Variants in MYO9B observed in about 807,000 individuals in gnomAD.
MYO9B encodes myosin IXB.
A neutral mutation model predicts 229.5 loss-of-function variants in MYO9B; 71 were observed. That is an observed-to-expected ratio of 0.31 (90% CI 0.26 to 0.38). The LOEUF (loss-of-function observed/expected upper bound fraction) is 0.38, where lower values mean the gene tolerates loss of function less well. MYO9B is among the 10% of genes least tolerant of loss of function. The probability of loss-of-function intolerance (pLI) is 1.00; values close to 1 mark genes in which losing one functional copy is unlikely to be tolerated. For missense variants in MYO9B, 2,255 were observed against 2,920.5 expected, an observed-to-expected ratio of 0.77 and a Z score of 5.25; for synonymous variants, 1,185 against 1,235.8, an observed-to-expected ratio of 0.96 and a Z score of 0.86.
At chr19:17,111,375 A>C (rs1002270031) in intron 2 of MYO9B, among the ~76,000 whole-genome samples, 2 of 152,224 alleles carry the variant, frequency 1.3e-5, no homozygotes, top group African/African-American at 2.4e-5. Flanking sequence ...CTATTTACTT[A>C]TTTATAAATA....
intron 2 of MYO9B, among the ~76,000 whole-genome samples, chr19:17,128,646 C>T (rs2072155251): frequency 6.6e-6 from 1 of 152,264 alleles, no homozygotes; most frequent in Non-Finnish European, 1.5e-5. Flanking sequence ...CTCAGGGTCA[C>T]AGCTCTCGTC....
rs202112430 is a variant in MYO9B, at chr19:17,183,882, C to T, written c.2373+14C>T. On this transcript the variant is annotated intron_variant, in intron 16 of 39. Coordinates refer to ENST00000682292, the MANE Select transcript of MYO9B (RefSeq NM_004145.4). ...ATCATTCCAAAGGTAAAAAAAAAAA[C>T]ACACCCCGCGCGACACGTTCCAAGA... 5 of 1,540,734 alleles carry T rather than the reference C, an allele frequency of 3.2e-6. No individual in the cohort carries two copies. Among genetic ancestry groups the T allele is most frequent in the African/African-American group, 2.8e-5 (2 of 72,360 alleles).
chr19:17,163,423 T>TA (rs2072626673), intron 10 of MYO9B, among the ~76,000 whole-genome samples: 1 of 139,764 alleles, frequency 7.2e-6, no homozygotes, highest in South Asian at 2.3e-4. Context: ...GTCACCCAGC[T>TA]AGAGTGGTAT....
In MYO9B at chr19:17,102,100, A is replaced by G; in HGVS notation, c.383A>G (p.Gln128Arg). 1 of 1,613,190 alleles carries G rather than the reference A, an allele frequency of 6.2e-7. No homozygotes were observed. The highest frequency in any genetic ancestry group is 8.5e-7 in the Non-Finnish European group (1 of 1,179,888). ...TACGTGCATATGCAGCTGGTGGCGC[A>G]GGCCACAGCCACCCGGCGCCTAGTG... ...IKYVHMQLVA[Q>R]ATATRRLVER... Residue 128 changes from glutamine to arginine, a missense_variant, in exon 2 of 40, where the codon CAG (glutamine) becomes CGG (arginine). Gln to Arg is a conservative substitution (Grantham distance 43). This residue lies in a region of MYO9B where 386 missense variants were observed against 515.2 expected (regional missense o/e 0.75). Transcript: ENST00000682292.
intron 1 of MYO9B, among the ~76,000 whole-genome samples, chr19:17,084,725 GA>G (rs1481719736): frequency 1.4e-5 from 2 of 146,596 alleles, no homozygotes; most frequent in Non-Finnish European, 3.0e-5. Context: ...AAAAAAAAAA[GA>G]AAAAAAGAAA....
chr19:17,135,828 T>C (rs1164212760), intron 2 of MYO9B, among the ~76,000 whole-genome samples: 1 of 152,130 alleles, frequency 6.6e-6, no homozygotes, highest in African/African-American at 2.4e-5. Context: ...GGCTGTGATA[T>C]TAGAAGTCAC....
At chr19:17,158,128 C>G (rs2145295778) in intron 7 of MYO9B, among the ~76,000 whole-genome samples, 1 of 152,286 alleles carries the variant, frequency 6.6e-6, no homozygotes, top group Non-Finnish European at 1.5e-5. Flanking sequence ...ATTATCCAAC[C>G]CCAAGTGCAA....
intron 2 of MYO9B, among the ~76,000 whole-genome samples, chr19:17,139,898 G>A (rs1049270835): frequency 3.3e-5 from 5 of 152,046 alleles, no homozygotes; most frequent in East Asian, 3.9e-4. Flanking sequence ...AAAATTAGCC[G>A]GGTGTGGTGG....
At chr19:17,120,254 C>T (rs2057949435) in intron 2 of MYO9B, among the ~76,000 whole-genome samples, 1 of 152,194 alleles carries the variant, frequency 6.6e-6, no homozygotes, top group Non-Finnish European at 1.5e-5. Flanking sequence ...CACAGTATAC[C>T]ATTCAGCGTT....
chr19:17,140,590 G>T (rs1026671238), intron 2 of MYO9B, among the ~76,000 whole-genome samples: 11 of 151,946 alleles, frequency 7.2e-5, no homozygotes, highest in African/African-American at 2.7e-4. Flanking sequence ...CCGGGTTCAA[G>T]CGCTTCTCCT....
In MYO9B at chr19:17,184,186, C is replaced by A. The variant is rs952162857; in HGVS notation, c.2373+318C>A. Among the ~76,000 whole-genome samples, 13 of 152,154 alleles carry A rather than the reference C, an allele frequency of 8.5e-5. 1 individual carries two copies. The highest frequency in any genetic ancestry group is 6.6e-4 in the Admixed American group (10 of 15,252). On this transcript the variant is annotated intron_variant, in intron 16 of 39. Transcript: ENST00000682292. ...GCTGAAGTCTGGCCTCAGCCTGGTC[C>A]CATGGGGAGCTCTAGTGGGTTCATA... is the stretch of plus-strand genomic sequence containing the variant.
Position 17,212,312 on chromosome 19 carries a change from A to G in MYO9B, c.*2A>G, listed in dbSNP as rs2145535305. ...GCCTCGGGCCAGACCAATGGCTGAG[A>G]GCCACAGCTGACAAAGTCTGCATGT... On this transcript the variant is annotated 3_prime_UTR_variant, in exon 40 of 40. Transcript: ENST00000682292. The surrounding 1 kb of genome is among the most constrained non-coding windows in gnomAD (Gnocchi z 5.4). 1 of 1,484,398 alleles carries G rather than the reference A, an allele frequency of 6.7e-7. No individual in the cohort carries two copies. Among genetic ancestry groups the G allele is most frequent in the Non-Finnish European group, 8.9e-7 (1 of 1,125,716 alleles). 92.0% of individuals were successfully genotyped at this position (1,484,398 alleles called of 1,614,324 possible).
Position 17,191,223 on chromosome 19 carries a change from A to G in MYO9B, c.2811+4A>G. On this transcript the variant is annotated splice_donor_region_variant and intron_variant, in intron 20 of 39. Coordinates refer to ENST00000682292, the MANE Select transcript of MYO9B (RefSeq NM_004145.4). ...CTACCAGATCGGGAAGACCAAGGTC[A>G]GCGCTCCTGCCCCTCGGGGCACTAC... 1 of 1,610,876 alleles carries G rather than the reference A, an allele frequency of 6.2e-7. No homozygotes were observed. The highest frequency in any genetic ancestry group is 8.5e-7 in the Non-Finnish European group (1 of 1,178,626).
In MYO9B at chr19:17,181,095, C is replaced by G. The variant is rs139810710; in HGVS notation, c.2333+55C>G. ...AGTGCGACAACCGCCTCCCACTACTCCTGCGACCCCGGCGGGGCCTGCAGT... is the reference window on the plus strand; with the variant it reads ...AGTGCGACAACCGCCTCCCACTACTGCTGCGACCCCGGCGGGGCCTGCAGT... On this transcript the variant is annotated intron_variant, in intron 15 of 39. Transcript: ENST00000682292. 2.1e-4 allele frequency: 266 copies of G among 1,290,016 alleles called. 1 individual carries two copies. In the African/African-American group the frequency reaches 3.7e-3, roughly 18 times the overall value. 79.9% of individuals were successfully genotyped at this position (1,290,016 alleles called of 1,614,324 possible).
At chr19:17,097,424 C>A (rs1310107786) in intron 1 of MYO9B, among the ~76,000 whole-genome samples, 2 of 151,982 alleles carry the variant, frequency 1.3e-5, no homozygotes, top group Non-Finnish European at 2.9e-5. Flanking sequence ...GCTCTCAAAG[C>A]TTTATCTCAT....
In MYO9B at chr19:17,159,470, T is replaced by C; in HGVS notation, c.1405T>C (p.Tyr469His). The C allele has an allele frequency of 6.2e-7, 1 of 1,608,978 alleles. No individual in the cohort carries two copies. The highest frequency in any genetic ancestry group is 8.5e-7 in the Non-Finnish European group (1 of 1,177,726). Reference sequence around the variant, plus strand: ...CGTCAACGACAAGCTTATCCTTCCCTACAGCCTCAGCGAGGTGAGCTCTGC... The same window carrying C: ...CGTCAACGACAAGCTTATCCTTCCCCACAGCCTCAGCGAGGTGAGCTCTGC... ...VTVNDKLILP[Y>H]SLSEAITARD... is the part of the protein sequence containing the mutation. Residue 469 changes from tyrosine (Y) to histidine (H), a missense_variant, in exon 8 of 40, where the codon TAC becomes CAC. Tyr to His is a moderately conservative substitution (Grantham distance 83). Around this residue, in one of 7 missense-constraint regions of MYO9B, gnomAD observed 220 missense variants for 404.5 expected, o/e 0.54. Coordinates refer to ENST00000682292, the MANE Select transcript of MYO9B (RefSeq NM_004145.4).
chr19:17,137,554 T>C (rs1193218903), intron 2 of MYO9B, among the ~76,000 whole-genome samples: 1 of 152,150 alleles, frequency 6.6e-6, no homozygotes, highest in East Asian at 1.9e-4. Context: ...ACCTTCCTGC[T>C]TGGCTCCGTG....
Position 17,101,397 on chromosome 19 carries a change from C to A in MYO9B, c.-58-263C>A, listed in dbSNP as rs975680373. Among the ~76,000 whole-genome samples the A allele has an allele frequency of 1.7e-4, 26 of 152,042 alleles. No homozygotes were observed. The highest frequency in any genetic ancestry group is 3.7e-4 in the Non-Finnish European group (25 of 67,960). On this transcript the variant is annotated intron_variant, in intron 1 of 39. Transcript: ENST00000682292. The surrounding 1 kb of genome is among the most constrained non-coding windows in gnomAD (Gnocchi z 4.7). ...GCCCAGGCTGGTCTCAAACTCCTGG[C>A]CTCAAGCGATCCTCCCACCTTGGCC...
intron 3 of MYO9B, among the ~76,000 whole-genome samples, chr19:17,147,143 G>C (rs767547882): frequency 1.1e-4 from 16 of 152,298 alleles, no homozygotes; most frequent in Admixed American, 4.6e-4. Flanking sequence ...GGGTGTACCC[G>C]GTTCATCAGA....
Sources: allele counts gnomAD v4.1 joint callset (sites outside exome capture counted in the v4.1 genomes callset), GRCh38; gene constraint gnomAD v4.1.1; regional missense constraint gnomAD v4.1.1; non-coding constraint Gnocchi (gnomAD v3.1); transcripts MANE v1.5; gene names NCBI Gene and HGNC (gene_info 2026-07-23, HGNC 2026-07-21).